ABLIM1: variants seen among roughly 807,000 people sequenced by gnomAD.
ABLIM1 encodes the protein actin-binding LIM protein 1.
ABLIM1 carries 40 observed loss-of-function variants against 107.0 expected under a neutral mutation model. The observed-to-expected ratio is 0.37, with a 90% CI of 0.29 to 0.49. The LOEUF (loss-of-function observed/expected upper bound fraction) is 0.49, where lower values mean the gene tolerates loss of function less well. ABLIM1 is among the 20% of genes least tolerant of loss of function. ABLIM1 has a pLI of 0.97. For synonymous variants in ABLIM1, 357 were observed against 357.3 expected, an observed-to-expected ratio of 1.00 and a Z score of 0.01; for missense variants, 857 against 1,008.5, an observed-to-expected ratio of 0.85 and a Z score of 2.04.
intron 20 of ABLIM1, chr10:114,439,820 C>T: frequency 1.8e-6 from 1 of 541,172 alleles, no homozygotes. Context: ...CACTTCCACC[C>T]CAGAGAGGAC....
At chr10:114,627,850 C>T (rs1230558276) in intron 1 of ABLIM1, among the ~76,000 whole-genome samples, 1 of 152,142 alleles carries the variant, frequency 6.6e-6, no homozygotes, top group Non-Finnish European at 1.5e-5. Flanking sequence ...AGCCTGGGAA[C>T]GGTGGCTCTT....
At chr10:114,529,356 C>A (rs2065215592) in intron 6 of ABLIM1, among the ~76,000 whole-genome samples, 1 of 152,084 alleles carries the variant, frequency 6.6e-6, no homozygotes, top group Non-Finnish European at 1.5e-5. Context: ...ATCTCTTGAA[C>A]TCATGATCGC....
chr10:114,538,586 G>A (rs2066287148), intron 6 of ABLIM1, among the ~76,000 whole-genome samples: 1 of 152,184 alleles, frequency 6.6e-6, no homozygotes, highest in African/African-American at 2.4e-5. Flanking sequence ...AGCCCGCCCA[G>A]AAAGACTAGA....
intron 9 of ABLIM1, 57 bp from the exon 10 acceptor site, chr10:114,473,189 T>C: frequency 6.6e-7 from 1 of 1,504,540 alleles, no homozygotes; most frequent in South Asian, 1.3e-5. Context: ...TTTAGGAAAC[T>C]GTAGTTGGCG....
intron 7 of ABLIM1, among the ~76,000 whole-genome samples, chr10:114,489,327 T>A (rs2058625558): frequency 6.6e-6 from 1 of 152,142 alleles, no homozygotes; most frequent in South Asian, 2.1e-4. Context: ...AAAATCTTTA[T>A]CTCTTTTAAG....
At chr10:114,582,220 A>G (rs1255341490) in intron 2 of ABLIM1, among the ~76,000 whole-genome samples, 1 of 152,200 alleles carries the variant, frequency 6.6e-6, no homozygotes, top group African/African-American at 2.4e-5. Flanking sequence ...ACACACCAAG[A>G]AAGTTCAAGC....
intron 1 of ABLIM1, among the ~76,000 whole-genome samples, chr10:114,737,762 G>A (rs192299371): frequency 6.9e-4 from 105 of 152,250 alleles, no homozygotes; most frequent in African/African-American, 1.9e-3. Flanking sequence ...AGTTTCAAAT[G>A]ATTATGGTCT....
At chr10:114,769,719 A>G (rs1476611303), upstream of ABLIM1, among the ~76,000 whole-genome samples, 2 of 152,260 alleles carry the variant, frequency 1.3e-5, no homozygotes, top group African/African-American at 2.4e-5. Context: ...TCTTTCAGAA[A>G]AAATAATTGA....
At chr10:114,456,208 T>C (rs2062798618) in intron 12 of ABLIM1, among the ~76,000 whole-genome samples, 1 of 152,198 alleles carries the variant, frequency 6.6e-6, no homozygotes, top group Admixed American at 6.5e-5. Flanking sequence ...AAAACTAGTT[T>C]TTTTAATATT....
intron 1 of ABLIM1, among the ~76,000 whole-genome samples, chr10:114,747,901 G>T (rs532113799): frequency 6.6e-6 from 1 of 152,148 alleles, no homozygotes; most frequent in Non-Finnish European, 1.5e-5. Context: ...TTAGCTGGGC[G>T]TGTTGGTATG....
chr10:114,507,051 A>C (rs114976241), intron 6 of ABLIM1, among the ~76,000 whole-genome samples: 169 of 152,342 alleles, frequency 1.1e-3, no homozygotes, highest in African/African-American at 3.9e-3. Context: ...GCTCTATAGT[A>C]CACTATCAGA....
chr10:114,524,811 T>C (rs1371242509), intron 6 of ABLIM1, among the ~76,000 whole-genome samples: 2 of 152,234 alleles, frequency 1.3e-5, no homozygotes, highest in African/African-American at 4.8e-5. Flanking sequence ...GGCAGAAGAA[T>C]GTATATCCGC....
At chr10:114,583,573 G>T (rs1297778247) in intron 2 of ABLIM1, among the ~76,000 whole-genome samples, 1 of 146,290 alleles carries the variant, frequency 6.8e-6, no homozygotes, top group Non-Finnish European at 1.5e-5. Context: ...ACTTTTCAAA[G>T]AACTAAAAAT....
At chr10:114,558,270 T>C (rs2069072886) in intron 4 of ABLIM1, among the ~76,000 whole-genome samples, 1 of 152,138 alleles carries the variant, frequency 6.6e-6, no homozygotes, top group Non-Finnish European at 1.5e-5. Flanking sequence ...TCAGGTTGTT[T>C]TCCTTTCCTC....
At chr10:114,610,829 C>T (rs928607346) in intron 1 of ABLIM1, 6 of 152,188 alleles carry the variant, frequency 3.9e-5, no homozygotes, top group African/African-American at 1.4e-4. Flanking sequence ...TGGTGGGCTT[C>T]CCTGCCACTT....
chr10:114,653,213 G>A (rs1039423865), intron 1 of ABLIM1, among the ~76,000 whole-genome samples: 2 of 152,210 alleles, frequency 1.3e-5, no homozygotes, highest in Non-Finnish European at 2.9e-5. Context: ...GCTTTGTTGA[G>A]TCATTGAGAA....
intron 1 of ABLIM1, among the ~76,000 whole-genome samples, chr10:114,700,576 C>T (rs1057184890): frequency 2.4e-4 from 37 of 151,456 alleles, no homozygotes; most frequent in African/African-American, 8.3e-4. Context: ...TGTAGTATTG[C>T]CATAATGAAA....
At chr10:114,656,670 C>A (rs1203224998) in intron 1 of ABLIM1, among the ~76,000 whole-genome samples, 1 of 152,116 alleles carries the variant, frequency 6.6e-6, no homozygotes, top group Non-Finnish European at 1.5e-5. Flanking sequence ...TTGGAAACAT[C>A]CCAAATGTCC....
chr10:114,624,025 TG>T (rs778028384), intron 1 of ABLIM1, among the ~76,000 whole-genome samples: 5 of 152,176 alleles, frequency 3.3e-5, no homozygotes, highest in Non-Finnish European at 5.9e-5. Context: ...TAACAAAATT[TG>T]CCCTTGAATA....
Sources: gnomAD v4.1 joint callset for allele counts (sites outside exome capture counted in the v4.1 genomes callset) on GRCh38, gnomAD v4.1.1 for gene constraint, MANE v1.5 for transcripts, NCBI Gene and HGNC (gene_info 2026-07-23, HGNC 2026-07-21) for gene names.